ABCG5: variants seen among roughly 807,000 people sequenced by gnomAD.
ABCG5 encodes the protein ATP-binding cassette sub-family G member 5.
A neutral mutation model predicts 64.5 loss-of-function variants in ABCG5; 64 were observed. The observed-to-expected ratio is 0.99, with a 90% CI of 0.81 to 1.22. The LOEUF (loss-of-function observed/expected upper bound fraction) is 1.22. ABCG5 is among the 50% of genes most tolerant of loss of function. The pLI, the probability that ABCG5 is intolerant of heterozygous loss-of-function variation, is 0.00. For missense variants in ABCG5, 908 were observed against 829.5 expected, an observed-to-expected ratio of 1.09 and a Z score of -1.16; for synonymous variants, 385 against 326.3, an observed-to-expected ratio of 1.18 and a Z score of -1.94.
At position 43,838,352 on chromosome 2, in the gene ABCG5, G is replaced by C; in HGVS notation, c.143+185C>G. ...GGCCCTTCCCTGGGCAGGGGGAGGG[G>C]CCATTCACTGTCGCTCCATGTTTCC... On this transcript the variant is annotated intron_variant, in intron 1 of 12. Coordinates refer to ENST00000405322, the MANE Select transcript of ABCG5 (RefSeq NM_022436.3). This position sits in a 1 kb window ranked among gnomAD's most constrained non-coding sequence, Gnocchi z 4.2. 1 of 644,636 alleles carries C rather than the reference G, an allele frequency of 1.6e-6. No individual in the cohort carries two copies. Among genetic ancestry groups the C allele is most frequent in the East Asian group, 2.7e-5 (1 of 36,444 alleles). The allele number at this position is 644,636 out of a possible 1,614,324, so 39.9% of individuals were successfully genotyped here.
chr2:43,828,291 T>G, intron 4 of ABCG5, 176 bp from the exon 5 acceptor site: 1 of 866,058 alleles, frequency 1.2e-6, no homozygotes, highest in South Asian at 1.5e-5. Flanking sequence ...CCAATTCGGC[T>G]TAAATCGTAA....
intron 2 of ABCG5, chr2:43,832,304 CTGAG>C (rs995576455): frequency 2.1e-5 from 13 of 623,932 alleles, no homozygotes; most frequent in East Asian, 8.3e-5. Flanking sequence ...GGATTGTCCC[CTGAG>C]TGAGAGGGGA....
rs143402711 is a variant in ABCG5, at chr2:43,822,849, C to T, written c.1411G>A (p.Val471Ile). 481 of 1,614,122 alleles carry T rather than the reference C, an allele frequency of 3.0e-4. 3 individuals are homozygous for T. The South Asian group carries it at 4.3e-3, about 14-fold the overall frequency. The change falls in exon 10 of 13, where the codon GTC becomes ATC. Residue 471 changes from valine to isoleucine, a missense_variant. Physicochemically the swap from Val to Ile is conservative, Grantham distance 29. Coordinates refer to ENST00000405322, the MANE Select transcript of ABCG5 (RefSeq NM_022436.3). ...GTGGCAACAACGCTGAAGGGGAGGA[C>T]GTGCAGTGCATAGGCCAGCATCATC... is the stretch of plus-strand genomic sequence containing the variant. ...WQMMLAYALH[V>I]LPFSVVATMI... is the part of the protein sequence containing the mutation.
downstream of ABCG5, among the ~76,000 whole-genome samples, chr2:43,807,627 C>T (rs972820235): frequency 6.6e-5 from 10 of 151,100 alleles, no homozygotes; most frequent in Non-Finnish European, 8.8e-5. Context: ...TTTTGTTGCC[C>T]AGGCTGGTCT....
chr2:43,822,468 C>G lies in ABCG5; in HGVS notation c.1463+329G>C. On this transcript the variant is annotated intron_variant, in intron 10 of 12. Coordinates refer to ENST00000405322, the MANE Select transcript of ABCG5 (RefSeq NM_022436.3). ...GTTTTACATTCAGGCTGCTTTCTCC[C>G]CTCCCCCAGGCCCCCCCCCATGCAC... 2 of 819,746 alleles carry G rather than the reference C, an allele frequency of 2.4e-6. 1 individual carries two copies. Among genetic ancestry groups the G allele is most frequent in the Admixed American group, 1.4e-4 (2 of 14,274 alleles). 50.8% of individuals were successfully genotyped at this position (819,746 alleles called of 1,614,324 possible).
downstream of ABCG5, among the ~76,000 whole-genome samples, chr2:43,808,179 T>C (rs1162625181): frequency 6.6e-6 from 1 of 151,852 alleles, no homozygotes; most frequent in African/African-American, 2.4e-5. Context: ...ATTAGCTTTA[T>C]TAGAAAAAAA....
Position 43,836,246 on chromosome 2 carries a change from A to AT in ABCG5, c.265+1587dup, listed in dbSNP as rs201106291. ...ATGAGCCACCGTGCCCGGCCTGGGA[A>AT]TTCCTCTTAACAACACTACTGTTGG... On this transcript the variant is annotated intron_variant, in intron 2 of 12. Transcript: ENST00000405322. Among the ~76,000 whole-genome samples, 1,231 of 152,178 alleles carry AT rather than the reference A, an allele frequency of 8.1e-3. 19 individuals carry two copies. The highest frequency in any genetic ancestry group is 0.027 in the African/African-American group (1,111 of 41,518).
rs547430652 is a variant in ABCG5 at position 43,836,231 on chromosome 2, G to A, written c.265+1603C>T. Among the ~76,000 whole-genome samples the A allele has an allele frequency of 1.1e-4, 16 of 152,062 alleles. No individual in the cohort carries two copies. In the East Asian group the frequency reaches 1.9e-3, roughly 18 times the overall value. On this transcript the variant is annotated intron_variant, in intron 2 of 12. Transcript: ENST00000405322. The stretch of plus-strand genomic sequence containing the variant: ...GCTGGGATTACAAGCATGAGCCACC[G>A]TGCCCGGCCTGGGAATTCCTCTTAA...
upstream of ABCG5, chr2:43,839,216 G>C (rs1042626374): frequency 4.6e-6 from 6 of 1,297,464 alleles, no homozygotes; most frequent in African/African-American, 2.9e-5. Flanking sequence ...AGCACCACCC[G>C]GACATCAAGC....
At chr2:43,808,964 TAC>T (rs56090427), downstream of ABCG5, among the ~76,000 whole-genome samples, 47,187 of 145,066 alleles carry the variant, frequency 0.33, 7,524 homozygotes, top group African/African-American at 0.38. Context: ...GGACAAAGGA[TAC>T]ACACACACAC....
Position 43,828,388 on chromosome 2 carries a change from T to C in ABCG5, c.502-273A>G, listed in dbSNP as rs4549146. On this transcript the variant is annotated intron_variant, in intron 4 of 12. Coordinates refer to ENST00000405322, the MANE Select transcript of ABCG5 (RefSeq NM_022436.3). The stretch of plus-strand genomic sequence containing the variant: ...CAGTGGCTCATGCCTGTAATCCCAA[T>C]ACTTTGGAAGGCTGAGGAGGGAGAA... The C allele has an allele frequency of 0.49, 226,806 of 463,808 alleles. 59,059 individuals carry two copies. The highest frequency in any genetic ancestry group is 0.82 in the East Asian group (15,414 of 18,842). 28.7% of individuals were successfully genotyped at this position (463,808 alleles called of 1,614,324 possible). A position where few individuals can be genotyped will look rare whatever the true frequency, so the allele number is the denominator to read the frequency against.
At position 43,831,881 on chromosome 2, in the gene ABCG5, G is replaced by T. The variant is rs1303317189; in HGVS notation, c.403-14C>A. 2 of 1,561,370 alleles carry T rather than the reference G, an allele frequency of 1.3e-6. No individual in the cohort carries two copies. The highest frequency in any genetic ancestry group is 2.3e-5 in the East Asian group (1 of 42,830). ...CAGGGTGTCGCTCTGCAGGAGACTC[G>T]GGCGTCAGTGTAGCCTAAGCCCCCG... is the stretch of plus-strand genomic sequence containing the variant. On this transcript the variant is annotated splice_polypyrimidine_tract_variant and intron_variant, in intron 3 of 12. Coordinates refer to ENST00000405322, the MANE Select transcript of ABCG5 (RefSeq NM_022436.3).
intron 2 of ABCG5, among the ~76,000 whole-genome samples, chr2:43,835,641 T>A (rs1668214530): frequency 6.6e-6 from 1 of 152,180 alleles, no homozygotes; most frequent in South Asian, 2.1e-4. Context: ...GATTATGATA[T>A]TACGAGGTGG....
At chr2:43,823,790 C>A (rs955524501) in intron 9 of ABCG5, 123 bp downstream of exon 9, 13 of 1,148,432 alleles carry the variant, frequency 1.1e-5, no homozygotes, top group South Asian at 1.6e-5. Flanking sequence ...GAGAGGGAAC[C>A]TGGAGAGGGC....
At chr2:43,813,677 T>C (rs1666609340) in intron 12 of ABCG5, among the ~76,000 whole-genome samples, 2 of 150,724 alleles carry the variant, frequency 1.3e-5, no homozygotes, top group Admixed American at 6.6e-5. Flanking sequence ...TTTGGTTGTT[T>C]TTTTTTTGTT....
At chr2:43,833,512 A>C (rs1668077256) in intron 2 of ABCG5, among the ~76,000 whole-genome samples, 1 of 151,032 alleles carries the variant, frequency 6.6e-6, no homozygotes, top group Non-Finnish European at 1.5e-5. Flanking sequence ...CTTCCTGAGT[A>C]GCTGGGACTG....
At position 43,826,489 on chromosome 2, in the gene ABCG5, G is replaced by A; in HGVS notation, c.667C>T (p.Leu223=). The A allele has an allele frequency of 6.2e-7, 1 of 1,614,148 alleles. No individual in the cohort carries two copies. The highest frequency in any genetic ancestry group is 8.5e-7 in the Non-Finnish European group (1 of 1,180,034). The change falls in exon 6 of 13, where the codon CTG becomes TTG. Residue 223 remains leucine (L), a synonymous_variant. Coordinates refer to ENST00000405322, the MANE Select transcript of ABCG5 (RefSeq NM_022436.3). ...VMLFDEPTTG[L]DCMTANQIVV... is the part of the protein sequence containing the mutation. ...ATCTGATTAGCAGTCATGCAGTCCA[G>A]GCCTGTGGTTGGCTCATCAAACAGC... is the stretch of plus-strand genomic sequence containing the variant.
At chr2:43,826,606 A>T in intron 5 of ABCG5, 85 bp from the exon 6 acceptor site, 2 of 1,593,086 alleles carry the variant, frequency 1.3e-6, no homozygotes, top group Non-Finnish European at 1.7e-6. Context: ...ACTGTTCCTT[A>T]TTGAGTTTGT....
At chr2:43,824,604 T>C in intron 7 of ABCG5, 172 bp from the exon 8 acceptor site, 3 of 985,450 alleles carry the variant, frequency 3.0e-6, no homozygotes, top group Non-Finnish European at 3.6e-6. Flanking sequence ...CAGCAGGGCC[T>C]TGAGGATCCC....
Sources: allele counts gnomAD v4.1 joint callset (sites outside exome capture counted in the v4.1 genomes callset), GRCh38; gene constraint gnomAD v4.1.1; non-coding constraint Gnocchi (gnomAD v3.1); transcripts MANE v1.5; gene names NCBI Gene and HGNC (gene_info 2026-07-23, HGNC 2026-07-21).